GRIP2: variants seen among roughly 807,000 people sequenced by gnomAD.
GRIP2 encodes the protein glutamate receptor-interacting protein 2.
A neutral mutation model predicts 108.3 loss-of-function variants in GRIP2; 58 were observed. The ratio of observed to expected loss-of-function variants is 0.54; its 90% CI spans 0.43 to 0.67. GRIP2 has a LOEUF of 0.67. Ranked by LOEUF, GRIP2 falls within the 30% of genes least tolerant of loss-of-function variation. GRIP2 has a pLI of 0.00. For missense variants in GRIP2, 1,278 were observed against 1,430.6 expected, an observed-to-expected ratio of 0.89 and a Z score of 1.72; for synonymous variants, 586 against 598.2, an observed-to-expected ratio of 0.98 and a Z score of 0.30.
the GRIP2 span, among the ~76,000 whole-genome samples, chr3:14,585,826 G>C: frequency 3.0e-4 from 45 of 152,258 alleles, no homozygotes; most frequent in African/African-American, 1.0e-3. Context: ...ATGAGGAAAT[G>C]GAGGGTCCCT....
chr3:14,591,985 A>G, the GRIP2 span, among the ~76,000 whole-genome samples: 1 of 152,340 alleles, frequency 6.6e-6, no homozygotes, highest in Middle Eastern at 3.4e-3. Context: ...GACCTTGTCT[A>G]TCTACTTCAG....
At chr3:14,557,554 T>A (rs1343666452), upstream of GRIP2, among the ~76,000 whole-genome samples, 1 of 152,186 alleles carries the variant, frequency 6.6e-6, no homozygotes, top group African/African-American at 2.4e-5. Context: ...AGGGATTCTG[T>A]CTTCATCCTA....
intron 1 of GRIP2, among the ~76,000 whole-genome samples, chr3:14,537,962 C>T (rs760640469): frequency 5.3e-5 from 8 of 152,228 alleles, no homozygotes; most frequent in Non-Finnish European, 1.2e-4. Context: ...TTCAGGCCTA[C>T]TGTGTGCCCC....
chr3:14,495,009 G>A lies in GRIP2; in HGVS notation c.2824-20C>T. The A allele has an allele frequency of 6.2e-7, 1 of 1,612,386 alleles. No homozygotes were observed. Among genetic ancestry groups the A allele is most frequent in the African/African-American group, 1.3e-5 (1 of 75,032 alleles). ...GGTCACCTGGAAGCAGAAGGAGGAGGAGGTTCCTGGAACTCTGACCTTTGC... is the reference window on the plus strand; with the variant it reads ...GGTCACCTGGAAGCAGAAGGAGGAGAAGGTTCCTGGAACTCTGACCTTTGC... On this transcript the variant is annotated intron_variant, in intron 22 of 23. Transcript: ENST00000621039.
At chr3:14,597,801 G>A in the GRIP2 span, among the ~76,000 whole-genome samples, 2 of 151,994 alleles carry the variant, frequency 1.3e-5, no homozygotes, top group African/African-American at 2.4e-5. Flanking sequence ...GGGTTGCGGG[G>A]GGCAATTCTG....
At position 14,521,535 on chromosome 3, in the gene GRIP2, A is replaced by G; in HGVS notation, c.712+107T>C. 1 of 1,252,770 alleles carries G rather than the reference A, an allele frequency of 8.0e-7. No individual in the cohort carries two copies. The highest frequency in any genetic ancestry group is 2.6e-5 in the East Asian group (1 of 37,876). 77.6% of individuals were successfully genotyped at this position (1,252,770 alleles called of 1,614,324 possible). A position where few individuals can be genotyped will look rare whatever the true frequency, so the allele number is the denominator to read the frequency against. On this transcript the variant is annotated intron_variant, in intron 7 of 23. Coordinates refer to ENST00000621039, the MANE Select transcript of GRIP2 (RefSeq NM_001080423.4). The surrounding 1 kb of genome is among the most constrained non-coding windows in gnomAD (Gnocchi z 5.1). ...GAGAAGCTGTGACTGGCCCAAGGTC[A>G]TAAGGTCATGCAGCCTTTGCAGTGG...
chr3:14,505,641 C>G lies in GRIP2; in HGVS notation c.2547G>C (p.Glu849Asp). The change falls in exon 20 of 24, where the codon GAG (glutamate) becomes GAC (aspartate). Residue 849 changes from glutamate (E) to aspartate (D), a missense_variant. Glu to Asp is a conservative substitution (Grantham distance 45). Coordinates refer to ENST00000621039, the MANE Select transcript of GRIP2 (RefSeq NM_001080423.4). This position sits in a 1 kb window ranked among gnomAD's most constrained non-coding sequence, Gnocchi z 4.2. Reference protein sequence around the residue: ...PADESFPEEEEEDDWEPPTSP... With the variant: ...PADESFPEEEDEDDWEPPTSP... Reference sequence around the variant, plus strand: ...TCGTTGGCGGCTCCCAATCATCCTCCTCCTCCTCCTCTGGAAAGCTCTCGT... The same window carrying G: ...TCGTTGGCGGCTCCCAATCATCCTCGTCCTCCTCCTCTGGAAAGCTCTCGT... The G allele has an allele frequency of 6.2e-7, 1 of 1,610,458 alleles. No individual in the cohort carries two copies.
At chr3:14,591,880 C>T in the GRIP2 span, among the ~76,000 whole-genome samples, 1 of 152,168 alleles carries the variant, frequency 6.6e-6, no homozygotes, top group Non-Finnish European at 1.5e-5. Context: ...ATGTAAGTAC[C>T]TGGTGCCCAG....
chr3:14,580,647 C>T, the GRIP2 span, among the ~76,000 whole-genome samples: 6 of 152,132 alleles, frequency 3.9e-5, no homozygotes, highest in African/African-American at 1.2e-4. Flanking sequence ...GAGCTGAGAT[C>T]GCACCACTGT....
In GRIP2 at chr3:14,505,752, G is replaced by C; in HGVS notation, c.2436C>G (p.Thr812=). 1 of 1,577,840 alleles carries C rather than the reference G, an allele frequency of 6.3e-7. No homozygotes were observed. Among genetic ancestry groups the C allele is most frequent in the Non-Finnish European group, 8.6e-7 (1 of 1,161,826 alleles). The part of the protein sequence containing the change: ...YTPQAAARGT[T]PQERRPGWLR... ...GCCAGCCAGGCCTCCGCTCCTGGGG[G>C]GTCGTGCCCCGGGCTGCTGCCTGTG... The change falls in exon 20 of 24, where the codon ACC becomes ACG. Residue 812 remains threonine (T), a synonymous_variant. Transcript: ENST00000621039. The surrounding 1 kb of genome is among the most constrained non-coding windows in gnomAD (Gnocchi z 4.2).
In GRIP2 at chr3:14,512,820, C is replaced by T. The variant is rs1471212869; in HGVS notation, c.1677G>A (p.Lys559=). Residue 559 remains lysine, a synonymous_variant, in exon 14 of 24, where the codon AAG becomes AAA. Transcript: ENST00000621039. This position sits in a 1 kb window ranked among gnomAD's most constrained non-coding sequence, Gnocchi z 5.1. ...VIPSSGTFHV[K]LPKKRSVELG... is the part of the protein sequence containing the mutation. ...GCTCCACGCTGCGCTTCTTGGGCAG[C>T]TTCACGTGGAAGGTGCCACTGCTTG... 6.2e-7 allele frequency: 1 copy of T among 1,613,608 alleles called. No homozygotes were observed.
chr3:14,520,421 C>T lies in GRIP2; in HGVS notation c.829G>A (p.Asp277Asn), dbSNP rs377105241. The change falls in exon 8 of 24, where the codon GAC becomes AAC. Residue 277 changes from aspartate to asparagine, a missense_variant. By Grantham distance (23) the Asp-to-Asn change is conservative (BLOSUM62 1). Transcript: ENST00000621039. ...ACCACGCTGGCTGGCTTGATGCGGTCGATGGTAATGACTGACTTGTTCCGG... is the reference window on the plus strand; with the variant it reads ...ACCACGCTGGCTGGCTTGATGCGGTTGATGGTAATGACTGACTTGTTCCGG... ...SLRNKSVITI[D>N]RIKPASVVDR... 31 of 1,612,996 alleles carry T rather than the reference C, an allele frequency of 1.9e-5. No homozygotes were observed. The highest frequency in any genetic ancestry group is 1.1e-4 in the African/African-American group (8 of 74,884).
chr3:14,502,794 TAAAC>T (rs1693803550), intron 21 of GRIP2, among the ~76,000 whole-genome samples: 1 of 151,952 alleles, frequency 6.6e-6, no homozygotes, highest in Non-Finnish European at 1.5e-5. Context: ...CTATCAAAGC[TAAAC>T]AAACAAATGA....
chr3:14,593,143 TCAGCC>T, the GRIP2 span, among the ~76,000 whole-genome samples: 12 of 152,364 alleles, frequency 7.9e-5, no homozygotes, highest in South Asian at 2.5e-3. Context: ...CGCTGGGGTC[TCAGCC>T]CAGCACAGCT....
At chr3:14,501,274 G>A (rs1157844101) in intron 21 of GRIP2, among the ~76,000 whole-genome samples, 1 of 152,192 alleles carries the variant, frequency 6.6e-6, no homozygotes, top group Non-Finnish European at 1.5e-5. Context: ...ATTAGATAGT[G>A]CTGATGATTG....
chr3:14,544,151 G>T (rs931994632), upstream of GRIP2, among the ~76,000 whole-genome samples: 9 of 152,208 alleles, frequency 5.9e-5, no homozygotes, highest in Admixed American at 2.0e-4. Flanking sequence ...ATCTGTCTGA[G>T]ATTCACTTTG....
intron 11 of GRIP2, among the ~76,000 whole-genome samples, chr3:14,516,710 T>C (rs1262125048): frequency 6.6e-6 from 1 of 152,194 alleles, no homozygotes; most frequent in Non-Finnish European, 1.5e-5. Flanking sequence ...TGAGGCTTTA[T>C]CCATGAATGA....
chr3:14,588,934 C>T, the GRIP2 span, among the ~76,000 whole-genome samples: 1 of 152,200 alleles, frequency 6.6e-6, no homozygotes, highest in Non-Finnish European at 1.5e-5. Flanking sequence ...CACACCCAGC[C>T]CCCCAAAACC....
chr3:14,521,594 C>T lies in GRIP2; in HGVS notation c.712+48G>A. ...CATGGCCACTGCCACCTCCCCCCAT[C>T]CCAGGCCTCCTCCTGCCCCAACCCA... On this transcript the variant is annotated intron_variant, in intron 7 of 23. Transcript: ENST00000621039. This position sits in a 1 kb window ranked among gnomAD's most constrained non-coding sequence, Gnocchi z 5.1. The T allele has an allele frequency of 6.5e-7, 1 of 1,545,682 alleles. No individual in the cohort carries two copies. The highest frequency in any genetic ancestry group is 8.8e-7 in the Non-Finnish European group (1 of 1,141,782).
Sources: gnomAD v4.1 joint callset for allele counts (sites outside exome capture counted in the v4.1 genomes callset) on GRCh38, gnomAD v4.1.1 for gene constraint, Gnocchi (gnomAD v3.1) non-coding constraint, MANE v1.5 for transcripts, NCBI Gene and HGNC (gene_info 2026-07-23, HGNC 2026-07-21) for gene names.